BDNF: variants seen among roughly 807,000 people sequenced by gnomAD.
The protein encoded by BDNF is brain derived neurotrophic factor, also known as neurotrophic factor BDNF precursor form.
In BDNF, 1 loss-of-function variant was observed where a neutral mutation model predicts 19.5. The ratio of observed to expected loss-of-function variants is 0.05; its 90% CI spans 0.02 to 0.24. BDNF has a LOEUF of 0.24. Among genes scored for constraint, BDNF ranks in the 10% least tolerant of loss-of-function variants. BDNF has a pLI of 1.00. For missense variants in BDNF, 195 were observed against 317.6 expected (o/e 0.61, Z 2.93); for synonymous variants, 100 against 121.6 (o/e 0.82, Z 1.17).
chr11:27,700,722 TC>T, upstream of BDNF: 15 of 1,178,152 alleles, frequency 1.3e-5, no homozygotes, highest in South Asian at 2.1e-4. Flanking sequence ...TCCTGCGCCC[TC>T]CTGGGGCGCC....
intron 1 of BDNF, among the ~76,000 whole-genome samples, chr11:27,672,418 TGTCTCTG>T (rs763412268): frequency 6.6e-6 from 1 of 152,208 alleles, no homozygotes; most frequent in Non-Finnish European, 1.5e-5. Flanking sequence ...TTCAGCCAGA[TGTCTCTG>T]GTCCTTGTGA....
chr11:27,706,225 C>A (rs939117171), intron 1 of BDNF, among the ~76,000 whole-genome samples: 2 of 152,122 alleles, frequency 1.3e-5, no homozygotes, highest in African/African-American at 4.8e-5. Flanking sequence ...GGGAGGAAAT[C>A]AGATAATTTT....
At chr11:27,660,375 G>T in intron 1 of BDNF, 1 of 404,710 alleles carries the variant, frequency 2.5e-6, no homozygotes, top group Non-Finnish European at 4.2e-6. Context: ...GATTAGGAAG[G>T]GAAAATTGGT....
At chr11:27,697,097 T>TTCTC (rs143062715) in intron 1 of BDNF, among the ~76,000 whole-genome samples, 5 of 143,534 alleles carry the variant, frequency 3.5e-5, no homozygotes, top group Non-Finnish European at 7.6e-5. Context: ...CAGTTCACAG[T>TTCTC]TCTCTCTCTC....
exon 1 of BDNF, chr11:27,721,828 C>T (rs953389752): frequency 4.6e-6 from 1 of 215,876 alleles, no homozygotes; most frequent in Admixed American, 5.2e-5. Flanking sequence ...ACTGAAAGTT[C>T]CCAGAGAAAG....
upstream of BDNF, chr11:27,701,652 T>C (rs1859902867): frequency 1.0e-6 from 1 of 984,842 alleles, no homozygotes; most frequent in Non-Finnish European, 1.2e-6. Flanking sequence ...ACGAGAGGGC[T>C]CCACGGTGCC....
chr11:27,659,108 A>G (rs775935879), intron 1 of BDNF: 8 of 1,006,950 alleles, frequency 7.9e-6, no homozygotes, highest in Non-Finnish European at 9.6e-6. Context: ...ATAGCACAAT[A>G]AAACAGCAGT....
chr11:27,718,646 C>T (rs967187908), intron 1 of BDNF, among the ~76,000 whole-genome samples: 1 of 145,274 alleles, frequency 6.9e-6, no homozygotes, highest in African/African-American at 2.5e-5. Context: ...GTGCCCCATT[C>T]GCTGCAGGCT....
Position 27,708,825 on chromosome 11 carries a change from C to CTTTTTTTTTTTTT in BDNF, c.3+12574_3+12586dup, listed in dbSNP as rs67977614. On this transcript the variant is annotated intron_variant, in intron 1 of 1. Coordinates refer to the BDNF transcript ENST00000314915. Reference sequence around the variant, plus strand: ...AGATATAATTAATTTTAGAATTCCTCTTTTTTTTTTTTTTTTTTTTTGATA... The same window carrying CTTTTTTTTTTTTT: ...AGATATAATTAATTTTAGAATTCCTCTTTTTTTTTTTTTTTTTTTTTTTTTTTTTTTTTTGATA... 2.7e-5 allele frequency among the ~76,000 whole-genome samples: 3 copies of CTTTTTTTTTTTTT among 112,434 alleles called. 1 individual carries two copies. The highest frequency in any genetic ancestry group is 3.5e-5 in the Non-Finnish European group (2 of 57,950). The allele number at this position is 112,434 out of a possible 152,430, so 73.8% of individuals were successfully genotyped here.
At chr11:27,708,761 G>A (rs1159492064) in intron 1 of BDNF, among the ~76,000 whole-genome samples, 2 of 149,796 alleles carry the variant, frequency 1.3e-5, no homozygotes, top group African/African-American at 4.9e-5. Flanking sequence ...TTTTAAATGA[G>A]CAAACATTTT....
chr11:27,696,851 A>G (rs991822239), intron 1 of BDNF, among the ~76,000 whole-genome samples: 1 of 152,182 alleles, frequency 6.6e-6, no homozygotes, highest in Non-Finnish European at 1.5e-5. Context: ...TATTATGGGC[A>G]CCTGAAATGG....
At chr11:27,681,429 A>G (rs1265478780) in intron 1 of BDNF, among the ~76,000 whole-genome samples, 1 of 152,192 alleles carries the variant, frequency 6.6e-6, no homozygotes, top group Non-Finnish European at 1.5e-5. Context: ...GTTTTGTTAT[A>G]TAAGTGCATA....
chr11:27,699,292 G>A, intron 1 of BDNF: 3 of 1,546,732 alleles, frequency 1.9e-6, no homozygotes, highest in Non-Finnish European at 2.7e-6. Flanking sequence ...CCTTAGGGAT[G>A]CCCCTAGTCT....
At chr11:27,674,284 TC>T (rs2133916184) in intron 1 of BDNF, 1 of 1,559,752 alleles carries the variant, frequency 6.4e-7, no homozygotes, top group East Asian at 2.4e-5. Context: ...GCTCCACACA[TC>T]CAGTTGTCCT....
upstream of BDNF, among the ~76,000 whole-genome samples, chr11:27,705,390 C>T (rs1307747611): frequency 1.3e-5 from 2 of 152,072 alleles, no homozygotes; most frequent in Non-Finnish European, 1.5e-5. Flanking sequence ...TTGAGACTCA[C>T]CTATTTAGGC....
rs1445715605 is a variant in BDNF at position 27,657,139 on chromosome 11, A to G, written c.*682T>C. 2.0e-6 allele frequency: 2 copies of G among 983,380 alleles called. No homozygotes were observed. Among genetic ancestry groups the G allele is most frequent in the Admixed American group, 1.2e-4 (2 of 16,268 alleles). 60.9% of individuals were successfully genotyped at this position (983,380 alleles called of 1,614,324 possible). Reference sequence around the variant, plus strand: ...TTCTAGTCATCTGATCGATATTGCAAACATCTTCACAACATACAAATGTAT... The same window carrying G: ...TTCTAGTCATCTGATCGATATTGCAGACATCTTCACAACATACAAATGTAT... On this transcript the variant is annotated 3_prime_UTR_variant, in exon 2 of 2. Transcript: ENST00000356660. The surrounding 1 kb of genome is among the most constrained non-coding windows in gnomAD (Gnocchi z 5.0).
At chr11:27,662,231 A>G (rs972873560) in intron 1 of BDNF, among the ~76,000 whole-genome samples, 11 of 152,080 alleles carry the variant, frequency 7.2e-5, no homozygotes, top group Admixed American at 6.5e-5. Context: ...CTCACTTGTT[A>G]ATTGTTAACC....
At chr11:27,660,376 G>A (rs1006031010) in intron 1 of BDNF, 8 of 405,348 alleles carry the variant, frequency 2.0e-5, no homozygotes, top group South Asian at 4.7e-5. Flanking sequence ...ATTAGGAAGG[G>A]AAAATTGGTT....
chr11:27,687,873 G>A (rs1857696583), intron 1 of BDNF, among the ~76,000 whole-genome samples: 1 of 152,208 alleles, frequency 6.6e-6, no homozygotes, highest in Non-Finnish European at 1.5e-5. Context: ...TCCCACTCAG[G>A]AATCACGAGG....
Sources: allele counts gnomAD v4.1 joint callset (sites outside exome capture counted in the v4.1 genomes callset), GRCh38; gene constraint gnomAD v4.1.1; non-coding constraint Gnocchi (gnomAD v3.1); transcripts MANE v1.5; gene names NCBI Gene and HGNC (gene_info 2026-07-23, HGNC 2026-07-21).